Variants in NFIX observed in about 807,000 individuals in gnomAD.
NFIX encodes nuclear factor I X.
A neutral mutation model predicts 53.3 loss-of-function variants in NFIX; 2 were observed. The observed-to-expected ratio is 0.04, with a 90% CI of 0.02 to 0.12. The LOEUF is 0.12. Among genes scored for constraint, NFIX ranks in the 10% least tolerant of loss-of-function variants. The pLI, the probability that NFIX is intolerant of heterozygous loss-of-function variation, is 1.00. For synonymous variants in NFIX, 244 were observed against 289.0 expected (o/e 0.84, Z 1.58); for missense variants, 310 against 674.5 (o/e 0.46, Z 5.99).
In NFIX at chr19:12,997,397, C is replaced by G. The variant is rs944036386; in HGVS notation, c.27+1533C>G. 3.9e-5 allele frequency among the ~76,000 whole-genome samples: 6 copies of G among 152,344 alleles called. No individual in the cohort carries two copies. In the East Asian group the frequency reaches 1.2e-3, roughly 29 times the overall value. On this transcript the variant is annotated intron_variant, in intron 1 of 10. Transcript: ENST00000592199. The stretch of plus-strand genomic sequence containing the variant: ...CGGGTTTTCCTGTAGAAAGCAGGCC[C>G]AAGTACGTGTTGGCGAGGGCGCACC...
chr19:13,071,542 C>G (rs1435809035), intron 2 of NFIX, among the ~76,000 whole-genome samples: 1 of 152,176 alleles, frequency 6.6e-6, no homozygotes, highest in Non-Finnish European at 1.5e-5. Context: ...GGATACACCC[C>G]AAACCAGAGG....
At position 13,094,449 on chromosome 19, in the gene NFIX, G is replaced by T. The variant is rs914457283; in HGVS notation, c.1495-186G>T. 6.6e-6 allele frequency among the ~76,000 whole-genome samples: 1 copy of T among 152,212 alleles called. No homozygotes were observed. On this transcript the variant is annotated intron_variant, in intron 10 of 10. Transcript: ENST00000592199. The surrounding 1 kb of genome is among the most constrained non-coding windows in gnomAD (Gnocchi z 4.3). ...GAGTCTCTGAGGGGGCGGGGTTCTC[G>T]CAGGAGGGAGGGAGAGAATGGGGAT...
At chr19:13,004,533 C>T (rs991532015) in intron 1 of NFIX, among the ~76,000 whole-genome samples, 5 of 152,164 alleles carry the variant, frequency 3.3e-5, no homozygotes, top group Non-Finnish European at 5.9e-5. Flanking sequence ...GAAATGGTGC[C>T]TGAGAGCTGA....
At chr19:13,069,941 G>A (rs536271929) in intron 2 of NFIX, 17 of 152,456 alleles carry the variant, frequency 1.1e-4, no homozygotes, top group Admixed American at 9.1e-4. Flanking sequence ...CCAAATCCCA[G>A]GGTTATCCCC....
Position 13,025,765 on chromosome 19 carries a change from C to T in NFIX, c.559+213C>T, listed in dbSNP as rs2013290211. Among the ~76,000 whole-genome samples the T allele has an allele frequency of 6.6e-6, 1 of 152,166 alleles. No homozygotes were observed. The highest frequency in any genetic ancestry group is 1.5e-5 in the Non-Finnish European group (1 of 68,046). ...CTGTTCTATTCTTCCTCCTCTGCCC[C>T]CTGGCCATGGTATCGACTTTGTGCA... is the stretch of plus-strand genomic sequence containing the variant. On this transcript the variant is annotated intron_variant, in intron 2 of 10. Transcript: ENST00000592199. The surrounding 1 kb of genome is among the most constrained non-coding windows in gnomAD (Gnocchi z 7.5).
intron 1 of NFIX, among the ~76,000 whole-genome samples, chr19:13,019,206 A>G (rs936268636): frequency 6.6e-6 from 1 of 152,066 alleles, no homozygotes; most frequent in Non-Finnish European, 1.5e-5. Flanking sequence ...GTTTCACTAT[A>G]GGTAGGTGCG....
chr19:13,006,258 C>T lies in NFIX; in HGVS notation c.27+10394C>T, dbSNP rs1357558576. Among the ~76,000 whole-genome samples, 1 of 152,108 alleles carries T rather than the reference C, an allele frequency of 6.6e-6. No homozygotes were observed. Among genetic ancestry groups the T allele is most frequent in the African/African-American group, 2.4e-5 (1 of 41,404 alleles). On this transcript the variant is annotated intron_variant, in intron 1 of 10. Coordinates refer to ENST00000592199, the MANE Select transcript of NFIX (RefSeq NM_001365902.3). The surrounding 1 kb of genome is among the most constrained non-coding windows in gnomAD (Gnocchi z 5.6). ...GTGAGATGATGATTTTGAACGCTGCCTTGCTATAGCTCAAGTGCAGCCCAC... is the reference window on the plus strand; with the variant it reads ...GTGAGATGATGATTTTGAACGCTGCTTTGCTATAGCTCAAGTGCAGCCCAC...
intron 5 of NFIX, 126 bp downstream of exon 5, chr19:13,074,152 G>A: frequency 8.0e-7 from 1 of 1,250,324 alleles, no homozygotes; most frequent in Non-Finnish European, 1.1e-6. Flanking sequence ...CTCTCATTGA[G>A]GGCACTGGCT....
At chr19:13,065,684 G>A (rs2016358885) in intron 2 of NFIX, among the ~76,000 whole-genome samples, 1 of 152,156 alleles carries the variant, frequency 6.6e-6, no homozygotes, top group Non-Finnish European at 1.5e-5. Flanking sequence ...GCCACTGCCT[G>A]TCATCCCTTG....
At chr19:13,091,067 G>A (rs2018108371) in intron 10 of NFIX, among the ~76,000 whole-genome samples, 1 of 152,170 alleles carries the variant, frequency 6.6e-6, no homozygotes, top group Non-Finnish European at 1.5e-5. Context: ...AGACCCCAGA[G>A]GCCAGTGCCC....
intron 1 of NFIX, chr19:13,024,147 G>C (rs1031231252): frequency 5.9e-5 from 46 of 777,190 alleles, no homozygotes; most frequent in Non-Finnish European, 8.1e-5. Context: ...AAAACCGAGA[G>C]AGCCCATCCT....
intron 1 of NFIX, among the ~76,000 whole-genome samples, chr19:13,017,562 G>C (rs939774874): frequency 1.3e-5 from 2 of 151,980 alleles, no homozygotes; most frequent in Non-Finnish European, 2.9e-5. Context: ...AAAATGAAGG[G>C]GGGTGTCTGG....
At chr19:13,007,116 C>G (rs1413930071) in intron 1 of NFIX, among the ~76,000 whole-genome samples, 1 of 152,170 alleles carries the variant, frequency 6.6e-6, no homozygotes, top group Non-Finnish European at 1.5e-5. Flanking sequence ...TTCGCTCCCT[C>G]CCTTCCTCCC....
At chr19:13,047,946 G>A (rs996059644) in intron 2 of NFIX, among the ~76,000 whole-genome samples, 3 of 152,176 alleles carry the variant, frequency 2.0e-5, no homozygotes, top group Non-Finnish European at 4.4e-5. Flanking sequence ...ATTTCCCTGG[G>A]ATCTGCCCAT....
chr19:13,000,971 T>A (rs2145130195), intron 1 of NFIX, among the ~76,000 whole-genome samples: 1 of 152,214 alleles, frequency 6.6e-6, no homozygotes, highest in South Asian at 2.1e-4. Flanking sequence ...TCTGCTGAGA[T>A]ATTGTCTCCC....
intron 1 of NFIX, chr19:13,024,443 G>A (rs2013154533): frequency 6.9e-7 from 1 of 1,442,706 alleles, no homozygotes; most frequent in Non-Finnish European, 9.1e-7. Context: ...TGGGGAGAGG[G>A]AAGCCTGATC....
At position 13,037,697 on chromosome 19, in the gene NFIX, C is replaced by A. The variant is rs2014305378; in HGVS notation, c.559+12145C>A. ...CTCACCTCGGTAAACCCCTCAGTCT[C>A]CAGCAAACTGGGATTGTTGGTCACC... On this transcript the variant is annotated intron_variant, in intron 2 of 10. Transcript: ENST00000592199. This position sits in a 1 kb window ranked among gnomAD's most constrained non-coding sequence, Gnocchi z 4.2. Among the ~76,000 whole-genome samples, 1 of 152,164 alleles carries A rather than the reference C, an allele frequency of 6.6e-6. No individual in the cohort carries two copies. The highest frequency in any genetic ancestry group is 1.5e-5 in the Non-Finnish European group (1 of 68,024).
At position 13,081,600 on chromosome 19, in the gene NFIX, A is replaced by G. The variant is rs8101877; in HGVS notation, c.1079-80A>G. On this transcript the variant is annotated intron_variant, in intron 7 of 10. Coordinates refer to ENST00000592199, the MANE Select transcript of NFIX (RefSeq NM_001365902.3). The surrounding 1 kb of genome is among the most constrained non-coding windows in gnomAD (Gnocchi z 4.7). ...GGATCCTCAGGACCCTCTGACCGGC[A>G]GCTCCCCTCCTCTCCTGTCCCTCCC... 0.014 allele frequency: 20,180 copies of G among 1,456,568 alleles called. 1,420 individuals carry two copies. The African/African-American group carries it at 0.19, about 14-fold the overall frequency. 90.2% of individuals were successfully genotyped at this position (1,456,568 alleles called of 1,614,324 possible). A position where few individuals can be genotyped will look rare whatever the true frequency, so the allele number is the denominator to read the frequency against.
intron 2 of NFIX, among the ~76,000 whole-genome samples, chr19:13,055,353 G>A (rs1434338610): frequency 1.3e-5 from 2 of 152,130 alleles, no homozygotes; most frequent in African/African-American, 4.8e-5. Flanking sequence ...CCGAGGGCCT[G>A]CCCCACTCTC....
Sources: allele counts gnomAD v4.1 joint callset (sites outside exome capture counted in the v4.1 genomes callset), GRCh38; gene constraint gnomAD v4.1.1; non-coding constraint Gnocchi (gnomAD v3.1); transcripts MANE v1.5; gene names NCBI Gene and HGNC (gene_info 2026-07-23, HGNC 2026-07-21).